DGKB: variants seen among roughly 807,000 people sequenced by gnomAD.
DGKB encodes the protein 90 kDa diacylglycerol kinase.
DGKB carries 67 observed loss-of-function variants against 114.3 expected under a neutral mutation model. The ratio of observed to expected loss-of-function variants is 0.59; its 90% confidence interval spans 0.48 to 0.72. The LOEUF (loss-of-function observed/expected upper bound fraction) is 0.72. DGKB is among the 30% of genes least tolerant of loss of function. The pLI, the probability that DGKB is intolerant of heterozygous loss-of-function variation, is 0.00. For missense variants in DGKB, 907 were observed against 975.2 expected, an observed-to-expected ratio of 0.93 and a Z score of 0.93; for synonymous variants, 398 against 323.1, an observed-to-expected ratio of 1.23 and a Z score of -2.49.
chr7:14,919,125 A>ACAC (rs1420419755), intron 1 of DGKB, among the ~76,000 whole-genome samples: 3 of 95,558 alleles, frequency 3.1e-5, no homozygotes, highest in African/African-American at 5.7e-5. Context: ...CACACACACA[A>ACAC]AGTTTATATG....
chr7:14,833,773 C>T (rs1346116056), intron 2 of DGKB, among the ~76,000 whole-genome samples: 1 of 152,054 alleles, frequency 6.6e-6, no homozygotes, highest in African/African-American at 2.4e-5. Flanking sequence ...ACAGTCATTC[C>T]TGCTTCTCCA....
chr7:14,272,443 G>T (rs139131232), intron 23 of DGKB, among the ~76,000 whole-genome samples: 147 of 152,240 alleles, frequency 9.7e-4, no homozygotes, highest in Middle Eastern at 6.8e-3. Context: ...AATCTTTATA[G>T]GTGGCATAAA....
At chr7:14,914,520 C>A (rs992288462) in intron 1 of DGKB, among the ~76,000 whole-genome samples, 3 of 152,036 alleles carry the variant, frequency 2.0e-5, no homozygotes, top group African/African-American at 7.2e-5. Flanking sequence ...AACCCTCACT[C>A]CTAGCCACAT....
intron 17 of DGKB, among the ~76,000 whole-genome samples, chr7:14,587,746 T>A (rs1801019146): frequency 6.6e-6 from 1 of 152,166 alleles, no homozygotes; most frequent in Non-Finnish European, 1.5e-5. Context: ...AGAAAAAACA[T>A]TATGACTCCC....
intron 21 of DGKB, among the ~76,000 whole-genome samples, chr7:14,395,723 ATTAAT>A (rs919942913): frequency 2.8e-4 from 42 of 151,996 alleles, no homozygotes; most frequent in African/African-American, 8.4e-4. Flanking sequence ...TTTAGGTTCC[ATTAAT>A]TTATTATTCA....
At chr7:14,447,378 C>T (rs1312632084) in intron 21 of DGKB, among the ~76,000 whole-genome samples, 1 of 151,990 alleles carries the variant, frequency 6.6e-6, no homozygotes, top group Non-Finnish European at 1.5e-5. Context: ...TTGGACCTCA[C>T]TAAACTAAAG....
At chr7:14,361,479 G>A (rs892156247) in intron 21 of DGKB, among the ~76,000 whole-genome samples, 3 of 151,950 alleles carry the variant, frequency 2.0e-5, no homozygotes, top group Admixed American at 2.0e-4. Context: ...GAGGGACTCA[G>A]ATGACTCCCT....
At chr7:14,362,528 C>G (rs2076482056) in intron 21 of DGKB, among the ~76,000 whole-genome samples, 1 of 151,820 alleles carries the variant, frequency 6.6e-6, no homozygotes, top group African/African-American at 2.4e-5. Context: ...AAAGTTTCTG[C>G]CCTCATATTG....
chr7:14,855,896 T>G (rs1027533748), intron 1 of DGKB, among the ~76,000 whole-genome samples: 10 of 151,924 alleles, frequency 6.6e-5, no homozygotes, highest in African/African-American at 2.2e-4. Flanking sequence ...AACTTTAACA[T>G]GAAGTATGTA....
intron 21 of DGKB, among the ~76,000 whole-genome samples, chr7:14,346,646 T>C (rs1812530333): frequency 6.6e-6 from 1 of 151,898 alleles, no homozygotes; most frequent in Non-Finnish European, 1.5e-5. Context: ...GATAGTGAAG[T>C]AGGTTAGAGG....
intron 23 of DGKB, among the ~76,000 whole-genome samples, chr7:14,331,252 G>A (rs1346115934): frequency 6.6e-6 from 1 of 151,796 alleles, no homozygotes; most frequent in Non-Finnish European, 1.5e-5. Flanking sequence ...ATATTTTTGT[G>A]AAATGCAACA....
intron 1 of DGKB, among the ~76,000 whole-genome samples, chr7:14,952,070 C>T (rs570981178): frequency 2.1e-5 from 3 of 145,702 alleles, no homozygotes; most frequent in African/African-American, 5.1e-5. Flanking sequence ...CAATTGCTTG[C>T]AGTTAATCCA....
intron 1 of DGKB, among the ~76,000 whole-genome samples, chr7:14,895,175 T>A (rs531748402): frequency 1.1e-4 from 16 of 151,780 alleles, no homozygotes; most frequent in Admixed American, 8.6e-4. Context: ...AGCAGAATAA[T>A]CCTATAATAT....
intron 13 of DGKB, among the ~76,000 whole-genome samples, chr7:14,664,827 C>T (rs1420980310): frequency 6.6e-6 from 1 of 151,588 alleles, no homozygotes; most frequent in Non-Finnish European, 1.5e-5. Context: ...GGAAAGAAGA[C>T]AACTGCTCTT....
intron 14 of DGKB, among the ~76,000 whole-genome samples, chr7:14,626,285 G>C (rs1253479301): frequency 6.6e-6 from 1 of 152,160 alleles, no homozygotes. Flanking sequence ...TCCAATCTCA[G>C]CATGAGAAAC....
At chr7:14,752,992 G>A (rs1834333658) in intron 4 of DGKB, among the ~76,000 whole-genome samples, 1 of 152,138 alleles carries the variant, frequency 6.6e-6, no homozygotes, top group Admixed American at 6.6e-5. Context: ...CTGAAATGGA[G>A]GCTAGTAAAT....
At chr7:14,315,670 A>C (rs1585089590) in intron 23 of DGKB, among the ~76,000 whole-genome samples, 1 of 148,002 alleles carries the variant, frequency 6.8e-6, no homozygotes, top group East Asian at 2.0e-4. Flanking sequence ...TTAGACTCCC[A>C]CACATTAATA....
At chr7:14,321,929 CTG>C (rs1419795609) in intron 23 of DGKB, among the ~76,000 whole-genome samples, 1 of 152,164 alleles carries the variant, frequency 6.6e-6, no homozygotes, top group African/African-American at 2.4e-5. Context: ...AAGACTCAGA[CTG>C]TAAAAATGCC....
At position 14,148,863 on chromosome 7, in the gene DGKB, T is replaced by C. The variant is rs1464339335; in HGVS notation, c.*268A>G. 2.3e-6 allele frequency: 1 copy of C among 441,896 alleles called. No individual in the cohort carries two copies. Among genetic ancestry groups the C allele is most frequent in the African/African-American group, 2.1e-5 (1 of 48,026 alleles). The allele number at this position is 441,896 out of a possible 1,614,324, so 27.4% of individuals were successfully genotyped here. ...AATTGGGGAAGAGTTGGGTGGGAGA[T>C]GTAAAAATCTATGGGAATGCATGCA... On this transcript the variant is annotated 3_prime_UTR_variant, in exon 26 of 26. Transcript: ENST00000402815.
Sources: gnomAD v4.1 joint callset for allele counts (sites outside exome capture counted in the v4.1 genomes callset) on GRCh38, gnomAD v4.1.1 for gene constraint, MANE v1.5 for transcripts, NCBI Gene and HGNC (gene_info 2026-07-23, HGNC 2026-07-21) for gene names.